PTPRD: variants seen among roughly 807,000 people sequenced by gnomAD.
PTPRD encodes receptor-type tyrosine-protein phosphatase delta.
PTPRD carries 34 observed loss-of-function variants against 214.5 expected under a neutral mutation model. That is an observed-to-expected ratio of 0.16 (90% CI 0.12 to 0.21). The LOEUF is 0.21. Ranked by LOEUF, PTPRD falls within the 10% of genes least tolerant of loss-of-function variation. PTPRD has a pLI of 1.00. For missense variants in PTPRD, 2,545 were observed against 2,398.7 expected (o/e 1.06, Z -1.27); for synonymous variants, 1,128 against 845.7 (o/e 1.33, Z -5.79).
chr9:9,016,265 A>G (rs895972395), intron 11 of PTPRD, among the ~76,000 whole-genome samples: 41 of 152,084 alleles, frequency 2.7e-4, no homozygotes, highest in African/African-American at 9.9e-4. Context: ...TTTTCCCCCA[A>G]ATAGTTGCAC....
At chr9:9,597,428 A>T (rs2093435394) in intron 7 of PTPRD, among the ~76,000 whole-genome samples, 1 of 152,094 alleles carries the variant, frequency 6.6e-6, no homozygotes, top group South Asian at 2.1e-4. Context: ...GGTTCCACAG[A>T]TAAGTCATTA....
At chr9:9,030,304 T>TTTTTTTTTTC (rs2099600812) in intron 10 of PTPRD, among the ~76,000 whole-genome samples, 1 of 119,596 alleles carries the variant, frequency 8.4e-6, no homozygotes, top group African/African-American at 3.0e-5. Flanking sequence ...TTTTTTTTTT[T>TTTTTTTTTTC]TTTTACAGAT....
intron 4 of PTPRD, among the ~76,000 whole-genome samples, chr9:9,965,240 G>A (rs1168092894): frequency 6.6e-6 from 1 of 152,150 alleles, no homozygotes; most frequent in African/African-American, 2.4e-5. Context: ...CCTCAGGTTG[G>A]GGTGGTTGTT....
intron 2 of PTPRD, among the ~76,000 whole-genome samples, chr9:10,550,103 G>A (rs1290332676): frequency 6.6e-6 from 1 of 152,094 alleles, no homozygotes; most frequent in Non-Finnish European, 1.5e-5. Flanking sequence ...TGACTTAAGG[G>A]ACTGTCTGAT....
chr9:9,627,576 G>GT (rs2095463051), intron 7 of PTPRD, among the ~76,000 whole-genome samples: 1 of 152,152 alleles, frequency 6.6e-6, no homozygotes, highest in South Asian at 2.1e-4. Flanking sequence ...ACGATAAAGT[G>GT]TAACACAAAC....
intron 9 of PTPRD, among the ~76,000 whole-genome samples, chr9:9,316,464 C>T (rs1415477321): frequency 6.6e-6 from 1 of 152,032 alleles, no homozygotes; most frequent in Non-Finnish European, 1.5e-5. Context: ...TTAGGGTAAT[C>T]TATAGATAAG....
chr9:9,612,688 G>T (rs571426635), intron 7 of PTPRD, among the ~76,000 whole-genome samples: 1 of 151,030 alleles, frequency 6.6e-6, no homozygotes, highest in African/African-American at 2.4e-5. Flanking sequence ...GAAAAAAAAG[G>T]AATATAAGAA....
chr9:9,747,260 G>C (rs997819836), intron 6 of PTPRD, among the ~76,000 whole-genome samples: 1 of 152,092 alleles, frequency 6.6e-6, no homozygotes, highest in Non-Finnish European at 1.5e-5. Context: ...CTTCTGTTCA[G>C]GCTCATGATT....
At chr9:9,138,888 C>T (rs1422024037) in intron 10 of PTPRD, among the ~76,000 whole-genome samples, 1 of 152,032 alleles carries the variant, frequency 6.6e-6, no homozygotes, top group Non-Finnish European at 1.5e-5. Flanking sequence ...ACAGTTTTTA[C>T]ACAATTAATG....
At chr9:9,592,874 G>T (rs1470105758) in intron 7 of PTPRD, among the ~76,000 whole-genome samples, 1 of 151,832 alleles carries the variant, frequency 6.6e-6, no homozygotes, top group Non-Finnish European at 1.5e-5. Flanking sequence ...GTGAAACCTT[G>T]TCTCTACTAA....
chr9:9,877,456 T>C (rs1384507580), intron 5 of PTPRD, among the ~76,000 whole-genome samples: 1 of 152,142 alleles, frequency 6.6e-6, no homozygotes, highest in African/African-American at 2.4e-5. Context: ...AAATCAGGGA[T>C]TCTTGAATGA....
chr9:9,579,572 A>G (rs2090101630), intron 7 of PTPRD, among the ~76,000 whole-genome samples: 1 of 151,654 alleles, frequency 6.6e-6, no homozygotes, highest in Admixed American at 6.6e-5. Flanking sequence ...TTTTTCCCTA[A>G]TCCTCCCCTG....
At chr9:8,585,912 G>C (rs1406395835) in intron 14 of PTPRD, among the ~76,000 whole-genome samples, 1 of 152,116 alleles carries the variant, frequency 6.6e-6, no homozygotes, top group Non-Finnish European at 1.5e-5. Flanking sequence ...TCCTCTCTCT[G>C]CCATGATTGT....
intron 7 of PTPRD, among the ~76,000 whole-genome samples, chr9:9,595,136 T>C (rs1563933956): frequency 6.6e-6 from 1 of 151,582 alleles, no homozygotes; most frequent in Non-Finnish European, 1.5e-5. Context: ...ACGCTGCTGA[T>C]GGGAATGTAA....
intron 4 of PTPRD, among the ~76,000 whole-genome samples, chr9:10,013,636 G>A (rs2096644772): frequency 2.6e-5 from 4 of 151,568 alleles, no homozygotes; most frequent in Admixed American, 1.3e-4. Context: ...TACTACAAGT[G>A]TAATAAATTT....
intron 8 of PTPRD, among the ~76,000 whole-genome samples, chr9:9,525,369 T>C (rs976106383): frequency 6.6e-6 from 1 of 152,200 alleles, no homozygotes; most frequent in Non-Finnish European, 1.5e-5. Context: ...ACGCTTATTG[T>C]ATATTGCTAA....
At chr9:9,745,246 C>T (rs200876666) in intron 6 of PTPRD, among the ~76,000 whole-genome samples, 4 of 151,880 alleles carry the variant, frequency 2.6e-5, no homozygotes, top group Non-Finnish European at 5.9e-5. Context: ...GCTGTTGTTT[C>T]AATGCAATGG....
At chr9:8,762,152 C>G (rs2094452298) in intron 11 of PTPRD, among the ~76,000 whole-genome samples, 1 of 152,038 alleles carries the variant, frequency 6.6e-6, no homozygotes, top group South Asian at 2.1e-4. Context: ...AAAACATTCC[C>G]CACTAAATTA....
intron 5 of PTPRD, among the ~76,000 whole-genome samples, chr9:9,930,154 G>T (rs1266083533): frequency 2.0e-5 from 3 of 152,176 alleles, no homozygotes; most frequent in African/African-American, 7.2e-5. Flanking sequence ...GAGCGCTCAA[G>T]GGAGGAAGGA....
Sources: allele counts gnomAD v4.1 joint callset (sites outside exome capture counted in the v4.1 genomes callset), GRCh38; gene constraint gnomAD v4.1.1; transcripts MANE v1.5; gene names NCBI Gene and HGNC (gene_info 2026-07-23, HGNC 2026-07-21).